The following DAAM1 variants were observed in gnomAD, a reference collection of about 807,000 sequenced individuals.
DAAM1 encodes the protein dishevelled associated activator of morphogenesis 1, also known as disheveled-associated activator of morphogenesis 1.
DAAM1 carries 52 observed loss-of-function variants against 130.0 expected under a neutral mutation model. The ratio of observed to expected loss-of-function variants is 0.40; its 90% CI spans 0.32 to 0.50. The LOEUF (loss-of-function observed/expected upper bound fraction) is 0.50. Among genes scored for constraint, DAAM1 ranks in the 20% least tolerant of loss-of-function variants. DAAM1 has a pLI of 0.61. For missense variants in DAAM1, 1,134 were observed against 1,303.8 expected, an observed-to-expected ratio of 0.87 and a Z score of 2.01; for synonymous variants, 452 against 444.5, an observed-to-expected ratio of 1.02 and a Z score of -0.21.
At chr14:59,208,488 C>G (rs915864051) in intron 1 of DAAM1, among the ~76,000 whole-genome samples, 1 of 152,214 alleles carries the variant, frequency 6.6e-6, no homozygotes, top group African/African-American at 2.4e-5. Context: ...TCACCAGTTT[C>G]ACATGCATCC....
At chr14:59,194,108 A>G (rs2139380325) in intron 1 of DAAM1, among the ~76,000 whole-genome samples, 1 of 151,134 alleles carries the variant, frequency 6.6e-6, no homozygotes, top group East Asian at 2.0e-4. Context: ...TAGGGACTCA[A>G]GCAGTCTAGT....
chr14:59,263,651 T>C lies in DAAM1; in HGVS notation c.174T>C (p.Ser58=). 6.2e-7 allele frequency: 1 copy of C among 1,614,184 alleles called. No homozygotes were observed. Among genetic ancestry groups the C allele is most frequent in the Non-Finnish European group, 8.5e-7 (1 of 1,180,022 alleles). The change falls in exon 2 of 25, where the codon AGT becomes AGC. Residue 58 remains serine, a synonymous_variant. Transcript: ENST00000360909. ...PPVEELDVMF[S]ELVDELDLTD... is the part of the protein sequence containing the mutation. ...TGGAGGAGCTGGATGTCATGTTCAGTGAACTGGTGGTGAGTCCCAGTTTTC... is the reference window on the plus strand; with the variant it reads ...TGGAGGAGCTGGATGTCATGTTCAGCGAACTGGTGGTGAGTCCCAGTTTTC...
chr14:59,220,662 G>A (rs2139426602), intron 1 of DAAM1, among the ~76,000 whole-genome samples: 1 of 152,246 alleles, frequency 6.6e-6, no homozygotes, highest in East Asian at 1.9e-4. Context: ...GGGTCTAAAG[G>A]CCTGAGGACC....
chr14:59,302,535 G>C (rs1187151582), intron 3 of DAAM1, among the ~76,000 whole-genome samples: 1 of 152,172 alleles, frequency 6.6e-6, no homozygotes, highest in Non-Finnish European at 1.5e-5. Context: ...GAATGCTCCT[G>C]TCTTGGCTCC....
chr14:59,341,716 C>G (rs1490705016), intron 16 of DAAM1, among the ~76,000 whole-genome samples: 1 of 152,168 alleles, frequency 6.6e-6, no homozygotes, highest in Middle Eastern at 3.2e-3. Flanking sequence ...ACAGTGTAAA[C>G]AATTTGTTTT....
At chr14:59,211,826 A>AT (rs1264051923) in intron 1 of DAAM1, among the ~76,000 whole-genome samples, 1 of 152,248 alleles carries the variant, frequency 6.6e-6, no homozygotes, top group Non-Finnish European at 1.5e-5. Flanking sequence ...CAGAATAATG[A>AT]TTTTAAACAG....
Position 59,331,387 on chromosome 14 carries a change from C to T in DAAM1, c.1739C>T (p.Pro580Leu). Residue 580 changes from proline to leucine, a missense_variant, in exon 14 of 25, where the codon CCT becomes CTT. Around this residue, in one of 3 missense-constraint regions of DAAM1, gnomAD observed 644 missense variants for 695.9 expected, o/e 0.93. Transcript: ENST00000360909. ...GGTGGCCCTCCTCCTCCCCCAGGGC[C>T]TCCTCCCTTAGGGGCAATCATGCCA... ...PPGGPPPPPG[P>L]PPLGAIMPPP... The T allele has an allele frequency of 6.2e-7, 1 of 1,613,564 alleles. No homozygotes were observed. Among genetic ancestry groups the T allele is most frequent in the East Asian group, 2.2e-5 (1 of 44,830 alleles).
chr14:59,333,275 C>T (rs1252764451), intron 15 of DAAM1, among the ~76,000 whole-genome samples: 1 of 152,150 alleles, frequency 6.6e-6, no homozygotes, highest in East Asian at 1.9e-4. Context: ...AAACAGGAGC[C>T]CTCAGCTGCC....
Position 59,320,543 on chromosome 14 carries a change from T to A in DAAM1, c.399T>A (p.Thr133=), listed in dbSNP as rs1384238184. The change falls in exon 5 of 25, where the codon ACT becomes ACA. Residue 133 remains threonine, a synonymous_variant. Transcript: ENST00000360909. ...AAGAAGAAGAAGAAAGAAGTAAAAC[T>A]ATAGAGAGTTTAAAGACAGCACTGA... The part of the protein sequence containing the change: ...EKEEEEERSK[T]IESLKTALRT... The A allele has an allele frequency of 6.2e-7, 1 of 1,605,616 alleles. No individual in the cohort carries two copies. Among genetic ancestry groups the A allele is most frequent in the Non-Finnish European group, 8.5e-7 (1 of 1,177,310 alleles).
chr14:59,202,195 A>G (rs2139395501), intron 1 of DAAM1, among the ~76,000 whole-genome samples: 1 of 152,248 alleles, frequency 6.6e-6, no homozygotes, highest in Middle Eastern at 3.4e-3. Context: ...TACCTCTGTG[A>G]GCTTCCTGTG....
intron 15 of DAAM1, among the ~76,000 whole-genome samples, chr14:59,332,936 G>C (rs543761901): frequency 6.6e-6 from 1 of 152,158 alleles, no homozygotes; most frequent in East Asian, 1.9e-4. Flanking sequence ...ATGAATCATG[G>C]GTGGAGCATC....
chr14:59,338,360 T>C, intron 15 of DAAM1: 1 of 1,613,406 alleles, frequency 6.2e-7, no homozygotes. Context: ...GATTTGCCTT[T>C]TCCATGCCTC....
chr14:59,289,767 G>GATAGATATATATATAT (rs375183979), intron 2 of DAAM1, among the ~76,000 whole-genome samples: 1 of 110,212 alleles, frequency 9.1e-6, no homozygotes, highest in African/African-American at 3.6e-5. Flanking sequence ...AACAAAATGT[G>GATAGATATATATATAT]ATATATATAT....
rs200240332 is a variant in DAAM1 at position 59,320,786 on chromosome 14, CAG to C, written c.440+210_440+211del. Among the ~76,000 whole-genome samples the C allele has an allele frequency of 2.6e-3, 402 of 151,790 alleles. 1 individual carries two copies. The highest frequency in any genetic ancestry group is 9.2e-3 in the African/African-American group (380 of 41,442). On this transcript the variant is annotated intron_variant, in intron 5 of 24. Transcript: ENST00000360909. ...CTAGGATGGCTAAAAAAAAACAAAA[CAG>C]AGAGAGACTTTAACAATGGTAAGTT... is the stretch of plus-strand genomic sequence containing the variant.
Position 59,347,550 on chromosome 14 carries a change from C to G in DAAM1, c.2087C>G (p.Ser696Cys). The G allele has an allele frequency of 1.2e-6, 2 of 1,613,464 alleles. No individual in the cohort carries two copies. The highest frequency in any genetic ancestry group is 2.2e-5 in the South Asian group (2 of 91,004). Residue 696 changes from serine (S) to cysteine (C), a missense_variant, in exon 17 of 25, where the codon TCC becomes TGC. This residue lies in a region of DAAM1 where 644 missense variants were observed against 695.9 expected (regional missense o/e 0.93). Transcript: ENST00000360909. ...CNILLSRLKLSNDEIKRAILT... is the reference protein window; with the variant it reads ...CNILLSRLKLCNDEIKRAILT... ...TATTCTTTCTCCAGGTTGAAATTAT[C>G]CAATGACGAAATCAAACGGGCAATT...
At position 59,371,009 on chromosome 14, in the gene DAAM1, T is replaced by A. The variant is rs1242632050; in HGVS notation, c.*2150T>A. 2 of 151,802 alleles carry A rather than the reference T, an allele frequency of 1.3e-5. No individual in the cohort carries two copies. The highest frequency in any genetic ancestry group is 6.6e-5 in the Admixed American group (1 of 15,232). The allele number at this position is 151,802 out of a possible 1,614,324, so 9.4% of individuals were successfully genotyped here. A position where few individuals can be genotyped will look rare whatever the true frequency, so the allele number is the denominator to read the frequency against. The stretch of plus-strand genomic sequence containing the variant: ...TAATCATCCTCCTTTGATATGGCCA[T>A]CCTGGTGGGCCTCCTTTGCCATTTC... On this transcript the variant is annotated 3_prime_UTR_variant, in exon 25 of 25. Coordinates refer to ENST00000360909, the MANE Select transcript of DAAM1 (RefSeq NM_001270520.2).
intron 2 of DAAM1, chr14:59,265,097 A>C (rs892900736): frequency 6.6e-6 from 1 of 152,262 alleles, no homozygotes; most frequent in African/African-American, 2.4e-5. Flanking sequence ...GGTCAAGGAC[A>C]TACTGTAAGC....
At chr14:59,189,526 C>T (rs1201755123) in intron 1 of DAAM1, among the ~76,000 whole-genome samples, 1 of 152,124 alleles carries the variant, frequency 6.6e-6, no homozygotes, top group East Asian at 1.9e-4. Context: ...TCTCCACGGT[C>T]CCTTGGTGTA....
intron 1 of DAAM1, among the ~76,000 whole-genome samples, chr14:59,232,264 A>G (rs143609395): frequency 6.6e-6 from 1 of 152,320 alleles, no homozygotes; most frequent in African/African-American, 2.4e-5. Flanking sequence ...GTTGGATGTC[A>G]CACCTCCAGA....
Sources: allele counts gnomAD v4.1 joint callset (sites outside exome capture counted in the v4.1 genomes callset), GRCh38; gene constraint gnomAD v4.1.1; regional missense constraint gnomAD v4.1.1; transcripts MANE v1.5; gene names NCBI Gene and HGNC (gene_info 2026-07-23, HGNC 2026-07-21).